The following KIAA1549 variants were observed in gnomAD, a reference collection of about 807,000 sequenced individuals.
KIAA1549 encodes the protein UPF0606 protein KIAA1549.
KIAA1549 carries 70 observed loss-of-function variants against 156.4 expected under a neutral mutation model. That is an observed-to-expected ratio of 0.45 (90% CI 0.37 to 0.55). The LOEUF (loss-of-function observed/expected upper bound fraction) is 0.55. Ranked by LOEUF, KIAA1549 falls within the 20% of genes least tolerant of loss-of-function variation. KIAA1549 has a pLI of 0.00. For missense variants in KIAA1549, 2,428 were observed against 2,540.9 expected, an observed-to-expected ratio of 0.96 and a Z score of 0.96; for synonymous variants, 1,103 against 1,066.4, an observed-to-expected ratio of 1.03 and a Z score of -0.67.
chr7:138,869,522 C>T lies in KIAA1549; in HGVS notation c.4775+16G>A, dbSNP rs1810858437. The T allele has an allele frequency of 6.5e-7, 1 of 1,548,410 alleles. No homozygotes were observed. ...TGCGCGCCCGCCCCACCGCCTAGCG[C>T]AGAGCCCCAGCCCACCTCTTCCTGG... On this transcript the variant is annotated intron_variant, in intron 14 of 19. Coordinates refer to ENST00000422774, the MANE Select transcript of KIAA1549 (RefSeq NM_001164665.2).
intron 12 of KIAA1549, among the ~76,000 whole-genome samples, chr7:138,876,944 ACAGTGTT>A (rs1811101199): frequency 6.6e-6 from 1 of 152,184 alleles, no homozygotes. Context: ...AACTGAAACA[ACAGTGTT>A]CTCTCAGCTT....
At chr7:138,959,235 A>G (rs1813763954) in intron 1 of KIAA1549, among the ~76,000 whole-genome samples, 1 of 152,208 alleles carries the variant, frequency 6.6e-6, no homozygotes, top group African/African-American at 2.4e-5. Flanking sequence ...AATCTGCTAT[A>G]CATTAATTCA....
intron 1 of KIAA1549, among the ~76,000 whole-genome samples, chr7:138,920,542 C>G (rs1027036337): frequency 6.6e-6 from 1 of 152,226 alleles, no homozygotes; most frequent in African/African-American, 2.4e-5. Flanking sequence ...ATTATCCCAT[C>G]ATCCATTCAA....
chr7:138,889,714 T>C (rs1811495833), intron 10 of KIAA1549, among the ~76,000 whole-genome samples: 1 of 152,218 alleles, frequency 6.6e-6, no homozygotes, highest in South Asian at 2.1e-4. Flanking sequence ...CATTAGATCC[T>C]TGCACTTCTC....
At chr7:138,841,841 T>C (rs916529578) in intron 18 of KIAA1549, among the ~76,000 whole-genome samples, 1 of 151,300 alleles carries the variant, frequency 6.6e-6, no homozygotes, top group African/African-American at 2.4e-5. Flanking sequence ...GATGGGATTA[T>C]AGCTGTGAGC....
chr7:138,960,012 C>T (rs1234704835), intron 1 of KIAA1549, among the ~76,000 whole-genome samples: 4 of 152,148 alleles, frequency 2.6e-5, no homozygotes, highest in South Asian at 2.1e-4. Flanking sequence ...TAGGGTGAAT[C>T]AAACAGGAAT....
At chr7:138,922,572 T>G (rs1308789189) in intron 1 of KIAA1549, among the ~76,000 whole-genome samples, 1 of 152,060 alleles carries the variant, frequency 6.6e-6, no homozygotes. Context: ...AGCAAGAGAC[T>G]ATAAAAGTTG....
At chr7:138,905,929 T>G (rs1811993474) in intron 6 of KIAA1549, among the ~76,000 whole-genome samples, 1 of 152,186 alleles carries the variant, frequency 6.6e-6, no homozygotes, top group Non-Finnish European at 1.5e-5. Context: ...TATAGAACAG[T>G]TTCACAACCC....
rs779886730 is a variant in KIAA1549, at chr7:138,916,958, C to G, written c.2668G>C (p.Ala890Pro). 1.2e-6 allele frequency: 2 copies of G among 1,604,062 alleles called. No homozygotes were observed. Among genetic ancestry groups the G allele is most frequent in the African/African-American group, 2.7e-5 (2 of 74,846 alleles). Reference sequence around the variant, plus strand: ...GAGTCGAGGGGACCACCAGTGGCAGCACCGGTGCTGGTTGTGCTCACTTCC... The same window carrying G: ...GAGTCGAGGGGACCACCAGTGGCAGGACCGGTGCTGGTTGTGCTCACTTCC... The part of the protein sequence containing the change: ...STEVSTTSTG[A>P]ATGGPLDSTL... Residue 890 changes from alanine (A) to proline (P), a missense_variant, in exon 2 of 20, where the codon GCT becomes CCT. By Grantham distance (27) the Ala-to-Pro change is conservative. Transcript: ENST00000422774.
Position 138,902,043 on chromosome 7 carries a change from G to A in KIAA1549, c.3669+1545C>T, listed in dbSNP as rs141153809. On this transcript the variant is annotated intron_variant, in intron 8 of 19. Coordinates refer to ENST00000422774, the MANE Select transcript of KIAA1549 (RefSeq NM_001164665.2). ...CTAGACCTTGGGCTCTAGGAAGCCA[G>A]GGATTGTTGAATAAGGCAAAGCTTT... Among the ~76,000 whole-genome samples the A allele has an allele frequency of 4.5e-3, 689 of 152,308 alleles. 7 individuals carry two copies. Among genetic ancestry groups the A allele is most frequent in the African/African-American group, 0.016 (649 of 41,566 alleles).
chr7:138,832,967 C>T lies in KIAA1549; in HGVS notation c.*4939G>A, dbSNP rs979632494. 6 of 231,068 alleles carry T rather than the reference C, an allele frequency of 2.6e-5. No homozygotes were observed. The highest frequency in any genetic ancestry group is 1.8e-4 in the South Asian group (1 of 5,506). The allele number at this position is 231,068 out of a possible 1,614,324, so 14.3% of individuals were successfully genotyped here. ...GCTGCTCATAGAAACCCTGTTAGAA[C>T]GTGTTAACATGTTAGATTAAATGTA... On this transcript the variant is annotated 3_prime_UTR_variant, in exon 20 of 20. Transcript: ENST00000422774.
chr7:138,901,212 C>G (rs1303555104), intron 8 of KIAA1549, among the ~76,000 whole-genome samples: 1 of 152,018 alleles, frequency 6.6e-6, no homozygotes, highest in Non-Finnish European at 1.5e-5. Context: ...TTCAACCAAC[C>G]AAAGAAAATC....
chr7:138,968,829 C>T (rs1055926483), intron 1 of KIAA1549, among the ~76,000 whole-genome samples: 2 of 140,628 alleles, frequency 1.4e-5, no homozygotes, highest in African/African-American at 2.7e-5. Flanking sequence ...CACTGCACTC[C>T]AGCTTGGGCG....
At chr7:138,939,423 T>C (rs1338229514) in intron 1 of KIAA1549, among the ~76,000 whole-genome samples, 2 of 152,210 alleles carry the variant, frequency 1.3e-5, no homozygotes, top group South Asian at 2.1e-4. Flanking sequence ...TCCTCTTTTT[T>C]TCCCCCTTTT....
chr7:138,905,219 G>A (rs1811973292), intron 6 of KIAA1549, 138 bp from the exon 7 acceptor site: 4 of 647,982 alleles, frequency 6.2e-6, no homozygotes, highest in Admixed American at 2.5e-5. Context: ...GCGTGAGGAC[G>A]TGGACAGTAG....
chr7:138,923,648 T>G (rs1052313068), intron 1 of KIAA1549, among the ~76,000 whole-genome samples: 1 of 152,004 alleles, frequency 6.6e-6, no homozygotes, highest in Non-Finnish European at 1.5e-5. Context: ...AAACAAATAC[T>G]GATGGTATAA....
intron 1 of KIAA1549, among the ~76,000 whole-genome samples, chr7:138,955,113 C>T (rs367957172): frequency 2.6e-5 from 4 of 152,282 alleles, no homozygotes; most frequent in African/African-American, 7.2e-5. Flanking sequence ...CACTAGATTT[C>T]GAGGAAACTG....
intron 17 of KIAA1549, among the ~76,000 whole-genome samples, chr7:138,851,805 C>G (rs545933213): frequency 1.3e-5 from 2 of 152,198 alleles, no homozygotes; most frequent in Non-Finnish European, 2.9e-5. Context: ...CTCGTGCTCC[C>G]AGCCCCATGA....
At position 138,897,747 on chromosome 7, in the gene KIAA1549, C is replaced by T. The variant is rs192718191; in HGVS notation, c.3847+1208G>A. Among the ~76,000 whole-genome samples the T allele has an allele frequency of 7.8e-4, 118 of 151,474 alleles. 1 individual carries two copies. Among genetic ancestry groups the T allele is most frequent in the African/African-American group, 2.4e-3 (99 of 41,320 alleles). ...GTCTCTACAGATAATAAGAAAAAAT[C>T]GCTGGGTGTAGTGGTGGTGACTGTG... is the stretch of plus-strand genomic sequence containing the variant. On this transcript the variant is annotated intron_variant, in intron 9 of 19. Coordinates refer to ENST00000422774, the MANE Select transcript of KIAA1549 (RefSeq NM_001164665.2).
Sources: allele counts gnomAD v4.1 joint callset (sites outside exome capture counted in the v4.1 genomes callset), GRCh38; gene constraint gnomAD v4.1.1; transcripts MANE v1.5; gene names NCBI Gene and HGNC (gene_info 2026-07-23, HGNC 2026-07-21).